Variants in CERS6 observed in about 807,000 individuals in gnomAD.
CERS6 encodes the protein ceramide synthase 6.
Under a neutral mutation model 56.8 loss-of-function variants are expected in CERS6, and 26 were observed. The observed-to-expected ratio is 0.46, with a 90% CI of 0.34 to 0.63. The LOEUF (loss-of-function observed/expected upper bound fraction) is 0.63. CERS6 is among the 30% of genes least tolerant of loss of function. The probability of loss-of-function intolerance (pLI) is 0.01; values close to 1 mark genes in which losing one functional copy is unlikely to be tolerated. For missense variants in CERS6, 415 were observed against 467.5 expected, an observed-to-expected ratio of 0.89 and a Z score of 1.04; for synonymous variants, 164 against 173.3, an observed-to-expected ratio of 0.95 and a Z score of 0.42.
chr2:168,530,556 AT>A (rs1695148649), intron 1 of CERS6, among the ~76,000 whole-genome samples: 1 of 152,182 alleles, frequency 6.6e-6, no homozygotes, highest in Admixed American at 6.5e-5. Context: ...ACAGGAACAT[AT>A]GTTTCATTGT....
chr2:168,556,163 A>G (rs1695675432), intron 2 of CERS6, among the ~76,000 whole-genome samples: 1 of 152,138 alleles, frequency 6.6e-6, no homozygotes, highest in African/African-American at 2.4e-5. Context: ...CTCTCTTTTA[A>G]TGTAACAATA....
chr2:168,709,631 T>G (rs1351175220), intron 6 of CERS6, among the ~76,000 whole-genome samples: 3 of 152,162 alleles, frequency 2.0e-5, no homozygotes, highest in Non-Finnish European at 4.4e-5. Flanking sequence ...CAGTCTTCAG[T>G]CTGAAGACCA....
intron 1 of CERS6, among the ~76,000 whole-genome samples, chr2:168,461,218 G>C (rs181806381): frequency 6.6e-6 from 1 of 152,140 alleles, no homozygotes; most frequent in African/African-American, 2.4e-5. Context: ...CATGCAATCA[G>C]TGCTGGATGT....
intron 7 of CERS6, among the ~76,000 whole-genome samples, chr2:168,715,898 G>T (rs1687215668): frequency 6.6e-6 from 1 of 151,982 alleles, no homozygotes; most frequent in Non-Finnish European, 1.5e-5. Context: ...ATGTAGAAAT[G>T]GTTCTTACAA....
In CERS6 at chr2:168,759,576, C is replaced by G. The variant is rs573660194; in HGVS notation, c.846-6016C>G. Among the ~76,000 whole-genome samples, 7 of 152,150 alleles carry G rather than the reference C, an allele frequency of 4.6e-5. No individual in the cohort carries two copies. In the South Asian group the frequency reaches 1.5e-3, roughly 32 times the overall value. On this transcript the variant is annotated intron_variant, in intron 8 of 9. Coordinates refer to ENST00000305747, the MANE Select transcript of CERS6 (RefSeq NM_203463.3). ...TGAATACAAATTCATCTGTGACCAC[C>G]CCAATTGCTTAGCCTTGGTGGGTGA...
At chr2:168,730,829 ATATTT>A (rs1330462554) in intron 8 of CERS6, among the ~76,000 whole-genome samples, 1 of 152,176 alleles carries the variant, frequency 6.6e-6, no homozygotes, top group African/African-American at 2.4e-5. Context: ...TGCAAAATAA[ATATTT>A]AATTTGATTT....
chr2:168,608,035 A>G (rs1388022023), intron 3 of CERS6, among the ~76,000 whole-genome samples: 1 of 152,228 alleles, frequency 6.6e-6, no homozygotes, highest in African/African-American at 2.4e-5. Context: ...TGGACAGGCC[A>G]TATGCTTTCA....
At chr2:168,632,289 T>C (rs1019850333) in intron 4 of CERS6, among the ~76,000 whole-genome samples, 3 of 152,200 alleles carry the variant, frequency 2.0e-5, no homozygotes, top group African/African-American at 7.2e-5. Flanking sequence ...TTTGTTAAAA[T>C]TGGGAATGCA....
rs74346883 is a variant in CERS6 at position 168,749,756 on chromosome 2, G to A, written c.846-15836G>A. Among the ~76,000 whole-genome samples the A allele has an allele frequency of 8.8e-3, 1,342 of 152,264 alleles. 21 individuals are homozygous for A. Among genetic ancestry groups the A allele is most frequent in the African/African-American group, 0.031 (1,271 of 41,526 alleles). Reference sequence around the variant, plus strand: ...TGATGCAGGGCAGGTGAGCCCCAAAGTGAGGCTTAGTCCACAAGGCTTCTT... The same window carrying A: ...TGATGCAGGGCAGGTGAGCCCCAAAATGAGGCTTAGTCCACAAGGCTTCTT... On this transcript the variant is annotated intron_variant, in intron 8 of 9. Transcript: ENST00000305747.
intron 1 of CERS6, among the ~76,000 whole-genome samples, chr2:168,543,109 G>T (rs191082763): frequency 1.3e-5 from 2 of 152,316 alleles, no homozygotes; most frequent in African/African-American, 4.8e-5. Context: ...TTGCCAAATA[G>T]AATTGAAAAG....
chr2:168,597,129 T>C (rs1201153419), intron 3 of CERS6, among the ~76,000 whole-genome samples: 1 of 152,140 alleles, frequency 6.6e-6, no homozygotes, highest in Non-Finnish European at 1.5e-5. Flanking sequence ...TCAGTAGGGA[T>C]GGCGCCAGGT....
chr2:168,730,483 T>A (rs760615031), intron 8 of CERS6, among the ~76,000 whole-genome samples: 1 of 152,048 alleles, frequency 6.6e-6, no homozygotes, highest in Non-Finnish European at 1.5e-5. Flanking sequence ...AAATGAGAAA[T>A]AGCAGGGGGT....
intron 8 of CERS6, among the ~76,000 whole-genome samples, chr2:168,736,052 A>C (rs968080159): frequency 1.3e-5 from 2 of 152,106 alleles, no homozygotes; most frequent in African/African-American, 4.8e-5. Context: ...CATCTCTATG[A>C]AAAACTGTAA....
At chr2:168,750,502 CCTGCACATA>C (rs930604735) in intron 8 of CERS6, among the ~76,000 whole-genome samples, 1 of 152,152 alleles carries the variant, frequency 6.6e-6, no homozygotes, top group African/African-American at 2.4e-5. Context: ...GTAAGATCAT[CCTGCACATA>C]CTGCTTTTAT....
At chr2:168,604,772 T>G (rs763902297) in intron 3 of CERS6, among the ~76,000 whole-genome samples, 1 of 152,100 alleles carries the variant, frequency 6.6e-6, no homozygotes, top group Non-Finnish European at 1.5e-5. Flanking sequence ...ATAGTAAGTT[T>G]TTTGAGGTCT....
At chr2:168,753,730 G>C (rs181168973) in intron 8 of CERS6, among the ~76,000 whole-genome samples, 142 of 152,250 alleles carry the variant, frequency 9.3e-4, no homozygotes, top group African/African-American at 3.4e-3. Context: ...TAAGATAAAA[G>C]TGAAGACTTA....
intron 9 of CERS6, among the ~76,000 whole-genome samples, chr2:168,767,761 G>A (rs1052819560): frequency 6.6e-6 from 1 of 152,216 alleles, no homozygotes; most frequent in Non-Finnish European, 1.5e-5. Context: ...ATGTTAGAGT[G>A]TAGTGGTAAC....
intron 2 of CERS6, among the ~76,000 whole-genome samples, chr2:168,557,908 C>T (rs1161915918): frequency 6.6e-6 from 1 of 151,838 alleles, no homozygotes; most frequent in Non-Finnish European, 1.5e-5. Flanking sequence ...GTTTAATCAC[C>T]CTAACATATG....
intron 2 of CERS6, 21 bp downstream of exon 2, chr2:168,547,722 G>T (rs753003843): frequency 7.0e-5 from 103 of 1,465,396 alleles, no homozygotes; most frequent in Non-Finnish European, 9.0e-5. Flanking sequence ...CCTTTCCTGG[G>T]GTATAGATTG....
Sources: gnomAD v4.1 joint callset for allele counts (sites outside exome capture counted in the v4.1 genomes callset) on GRCh38, gnomAD v4.1.1 for gene constraint, MANE v1.5 for transcripts, NCBI Gene and HGNC (gene_info 2026-07-23, HGNC 2026-07-21) for gene names.